Variants in NBAS observed in about 807,000 individuals in gnomAD.
NBAS encodes NBAS subunit of NRZ tethering complex.
NBAS carries 219 observed loss-of-function variants against 302.5 expected under a neutral mutation model. The ratio of observed to expected loss-of-function variants is 0.72; its 90% confidence interval spans 0.65 to 0.81. NBAS has a LOEUF of 0.81. Ranked by LOEUF, NBAS falls within the 30% of genes least tolerant of loss-of-function variation. The pLI is 0.00. For synonymous variants in NBAS, 1,118 were observed against 1,021.6 expected (o/e 1.09, Z -1.80); for missense variants, 2,932 against 2,841.6 (o/e 1.03, Z -0.72).
At chr2:14,893,868 C>A in the NBAS span, among the ~76,000 whole-genome samples, 46 of 152,350 alleles carry the variant, frequency 3.0e-4, 1 homozygote, top group African/African-American at 1.0e-3. Context: ...GTGACAACAG[C>A]TTCCCATTGT....
chr2:15,420,257 C>T (rs1164037569), intron 23 of NBAS, among the ~76,000 whole-genome samples: 1 of 152,088 alleles, frequency 6.6e-6, no homozygotes, highest in Admixed American at 6.6e-5. Context: ...AAGAAAGAAG[C>T]AGTGAATAAT....
In NBAS at chr2:15,283,453, T is replaced by G. The variant is rs568101112; in HGVS notation, c.5138+3620A>C. ...GCTCACGACAGTGAGTGAGTTCTCA[T>G]GAGATCTGATGGTTGTATAAGGGGC... On this transcript the variant is annotated intron_variant, in intron 42 of 51. Coordinates refer to ENST00000281513, the MANE Select transcript of NBAS (RefSeq NM_015909.4). 6.6e-5 allele frequency among the ~76,000 whole-genome samples: 10 copies of G among 152,124 alleles called. No homozygotes were observed. The South Asian group carries it at 1.9e-3, about 28-fold the overall frequency.
the NBAS span, among the ~76,000 whole-genome samples, chr2:15,074,078 T>A: frequency 1.3e-5 from 2 of 152,036 alleles, no homozygotes; most frequent in African/African-American, 4.8e-5. Flanking sequence ...GTTACAATGA[T>A]CAGAACAACT....
intron 30 of NBAS, among the ~76,000 whole-genome samples, chr2:15,377,135 T>C (rs1180461349): frequency 6.6e-6 from 1 of 152,118 alleles, no homozygotes; most frequent in African/African-American, 2.4e-5. Flanking sequence ...AACTTGGCAA[T>C]GTAGTAAAAT....
the NBAS span, among the ~76,000 whole-genome samples, chr2:14,949,338 C>A: frequency 2.0e-5 from 3 of 152,088 alleles, no homozygotes; most frequent in East Asian, 5.8e-4. Context: ...AGACTGCCCA[C>A]GTGATAAGTG....
the NBAS span, among the ~76,000 whole-genome samples, chr2:14,887,137 C>T: frequency 6.6e-6 from 1 of 152,190 alleles, no homozygotes; most frequent in African/African-American, 2.4e-5. Context: ...GGCATGCTGG[C>T]TCACGCCTGT....
At chr2:14,936,311 T>C in the NBAS span, among the ~76,000 whole-genome samples, 3 of 152,234 alleles carry the variant, frequency 2.0e-5, no homozygotes. Context: ...AAATCTAATT[T>C]ATTCTTATAT....
chr2:15,354,176 T>C (rs994071997), intron 33 of NBAS, among the ~76,000 whole-genome samples: 4 of 152,178 alleles, frequency 2.6e-5, no homozygotes, highest in African/African-American at 9.7e-5. Context: ...AACATTTGTA[T>C]TTAAAAGCAC....
At chr2:15,489,147 C>T in intron 11 of NBAS, 125 bp from the exon 12 acceptor site, 3 of 1,078,718 alleles carry the variant, frequency 2.8e-6, no homozygotes, top group African/African-American at 3.1e-5. Context: ...GTTCTGCCAG[C>T]TTCCTATCAT....
At chr2:15,308,869 AG>A (rs1318734490) in intron 39 of NBAS, among the ~76,000 whole-genome samples, 2 of 152,166 alleles carry the variant, frequency 1.3e-5, no homozygotes, top group Non-Finnish European at 1.5e-5. Context: ...TTTAGCATGA[AG>A]GGTTGTTGAA....
At chr2:15,032,397 G>T in the NBAS span, among the ~76,000 whole-genome samples, 1 of 152,200 alleles carries the variant, frequency 6.6e-6, no homozygotes, top group African/African-American at 2.4e-5. Context: ...AATTCTTGTT[G>T]TAACATGGCA....
At chr2:15,527,675 C>T (rs1220742874) in intron 9 of NBAS, among the ~76,000 whole-genome samples, 2 of 151,936 alleles carry the variant, frequency 1.3e-5, no homozygotes, top group East Asian at 3.9e-4. Context: ...GTCGCATTGG[C>T]CATTAAGTTT....
chr2:15,126,580 G>T, the NBAS span, among the ~76,000 whole-genome samples: 2 of 152,136 alleles, frequency 1.3e-5, no homozygotes, highest in Non-Finnish European at 2.9e-5. Flanking sequence ...GGGAGCTGGG[G>T]TACTGATACT....
At chr2:15,308,030 ACT>A (rs1406202047) in intron 40 of NBAS, among the ~76,000 whole-genome samples, 184 bp downstream of exon 40, 1 of 152,126 alleles carries the variant, frequency 6.6e-6, no homozygotes, top group Non-Finnish European at 1.5e-5. Context: ...TAAATATTAA[ACT>A]CTACTTACTG....
intron 44 of NBAS, among the ~76,000 whole-genome samples, chr2:15,241,487 G>C (rs1667865083): frequency 6.6e-6 from 1 of 152,140 alleles, no homozygotes; most frequent in Non-Finnish European, 1.5e-5. Flanking sequence ...TGGTAAGCAG[G>C]AAGAACAATA....
chr2:15,558,199 G>C lies in NBAS; in HGVS notation c.172+381C>G, dbSNP rs1344252745. ...ACTTCCCTGATAATCTAATGCTGCC[G>C]CTTATCTGACAGGAAGTGGAGCTCA... On this transcript the variant is annotated intron_variant, in intron 2 of 51. Transcript: ENST00000281513. 2.6e-5 allele frequency among the ~76,000 whole-genome samples: 4 copies of C among 152,206 alleles called. No individual in the cohort carries two copies. In the South Asian group the frequency reaches 6.2e-4, roughly 24 times the overall value.
chr2:14,893,882 C>T, the NBAS span, among the ~76,000 whole-genome samples: 5,785 of 152,288 alleles, frequency 0.038, 138 homozygotes, highest in Non-Finnish European at 0.051. Flanking sequence ...CCATTGTTGC[C>T]AGTCTTTGCA....
chr2:15,443,045 T>G (rs375589269), intron 21 of NBAS, among the ~76,000 whole-genome samples: 4 of 151,402 alleles, frequency 2.6e-5, no homozygotes, highest in South Asian at 4.2e-4. Flanking sequence ...CAGGACCAGA[T>G]GGATTCACAG....
chr2:14,891,139 T>C, the NBAS span, among the ~76,000 whole-genome samples: 1 of 152,276 alleles, frequency 6.6e-6, no homozygotes, highest in East Asian at 1.9e-4. Context: ...CAATTTTTCA[T>C]GGTCACTGGA....
Sources: allele counts gnomAD v4.1 joint callset (sites outside exome capture counted in the v4.1 genomes callset), GRCh38; gene constraint gnomAD v4.1.1; transcripts MANE v1.5; gene names NCBI Gene and HGNC (gene_info 2026-07-23, HGNC 2026-07-21).